Variants in TTC28 observed in about 807,000 individuals in gnomAD.
TTC28 encodes tetratricopeptide repeat domain 28.
In TTC28, 61 loss-of-function variants were observed where a neutral mutation model predicts 198.0. That is an observed-to-expected ratio of 0.31 (90% CI 0.25 to 0.38). The LOEUF (loss-of-function observed/expected upper bound fraction) is 0.38, where lower values mean the gene tolerates loss of function less well. Ranked by LOEUF, TTC28 falls within the 10% of genes least tolerant of loss-of-function variation. The pLI is 1.00. For synonymous variants in TTC28, 1,171 were observed against 1,297.8 expected (o/e 0.90, Z 2.10); for missense variants, 2,678 against 3,164.0 (o/e 0.85, Z 3.69).
At chr22:28,162,698 T>C (rs1366537495) in intron 6 of TTC28, among the ~76,000 whole-genome samples, 3 of 152,184 alleles carry the variant, frequency 2.0e-5, no homozygotes, top group South Asian at 2.1e-4. Context: ...GCCATAATTG[T>C]AGCACTTTGG....
chr22:28,111,528 A>ATT (rs201771228), intron 6 of TTC28, among the ~76,000 whole-genome samples: 1 of 149,304 alleles, frequency 6.7e-6, no homozygotes, highest in Admixed American at 6.7e-5. Context: ...CTCAGAGGAA[A>ATT]TTTTTTTTTT....
At chr22:28,115,420 C>T (rs75130608) in intron 6 of TTC28, among the ~76,000 whole-genome samples, 22 of 152,324 alleles carry the variant, frequency 1.4e-4, no homozygotes, top group Admixed American at 1.1e-3. Flanking sequence ...CCTCACCATA[C>T]ACACAAATAT....
chr22:28,641,722 C>G (rs1222204567), intron 1 of TTC28, among the ~76,000 whole-genome samples: 2 of 151,728 alleles, frequency 1.3e-5, no homozygotes, highest in Admixed American at 1.3e-4. Context: ...CAGGCCTACA[C>G]TAAAAGAAAT....
At chr22:28,302,778 G>C (rs745762726) in intron 3 of TTC28, among the ~76,000 whole-genome samples, 4 of 152,056 alleles carry the variant, frequency 2.6e-5, no homozygotes, top group Non-Finnish European at 5.9e-5. Context: ...GGGTTCAAGC[G>C]ATTCTCCTGC....
chr22:28,167,856 A>G (rs547858357), intron 5 of TTC28, among the ~76,000 whole-genome samples: 1 of 152,316 alleles, frequency 6.6e-6, no homozygotes, highest in East Asian at 1.9e-4. Flanking sequence ...AAGGGTATTC[A>G]ATTAGGAAAA....
chr22:28,497,345 T>C (rs1356325960), intron 2 of TTC28, among the ~76,000 whole-genome samples: 4 of 152,070 alleles, frequency 2.6e-5, no homozygotes, highest in African/African-American at 9.7e-5. Context: ...AGGGGGAAAA[T>C]ATGAGCAAGA....
chr22:28,629,988 A>T (rs1010327906), intron 1 of TTC28, among the ~76,000 whole-genome samples, 158 bp from the exon 2 acceptor site: 7 of 152,132 alleles, frequency 4.6e-5, no homozygotes, highest in African/African-American at 1.7e-4. Context: ...TCATAGGAGT[A>T]AATCCCTCAT....
intron 2 of TTC28, among the ~76,000 whole-genome samples, chr22:28,331,536 T>C (rs750786393): frequency 1.3e-5 from 2 of 152,262 alleles, no homozygotes; most frequent in South Asian, 2.1e-4. Flanking sequence ...TTTATCCATA[T>C]GTATATACAT....
chr22:28,232,802 A>T (rs533389220), intron 5 of TTC28: 1 of 152,098 alleles, frequency 6.6e-6, no homozygotes, highest in African/African-American at 2.4e-5. Flanking sequence ...AGTAATTTTA[A>T]ATTTTTTCCA....
intron 6 of TTC28, among the ~76,000 whole-genome samples, chr22:28,120,370 C>T (rs1187493303): frequency 6.6e-6 from 1 of 152,142 alleles, no homozygotes; most frequent in Non-Finnish European, 1.5e-5. Flanking sequence ...CTGGGACCTT[C>T]ATTATCTTAT....
At chr22:28,581,750 A>T (rs1195136224) in intron 2 of TTC28, among the ~76,000 whole-genome samples, 1 of 152,208 alleles carries the variant, frequency 6.6e-6, no homozygotes, top group Non-Finnish European at 1.5e-5. Flanking sequence ...CATCTCTACA[A>T]ACGAACAAAC....
intron 2 of TTC28, among the ~76,000 whole-genome samples, chr22:28,470,275 G>T (rs2048081218): frequency 6.6e-6 from 1 of 152,178 alleles, no homozygotes; most frequent in South Asian, 2.1e-4. Context: ...GGCTGGCTGG[G>T]TTCCTAACTA....
chr22:28,032,205 A>AATAT (rs1309086754), intron 12 of TTC28, among the ~76,000 whole-genome samples: 1 of 100,832 alleles, frequency 9.9e-6, no homozygotes, highest in Non-Finnish European at 2.1e-5. Context: ...ATATATATAA[A>AATAT]ATATATATAT....
chr22:28,108,572 T>A (rs145602377), intron 6 of TTC28, among the ~76,000 whole-genome samples, 169 bp from the exon 7 acceptor site: 6 of 152,122 alleles, frequency 3.9e-5, no homozygotes, highest in Non-Finnish European at 7.4e-5. Context: ...ACAGAGAGGA[T>A]AGCTTAAGTT....
At chr22:28,445,330 C>T (rs1315037273) in intron 2 of TTC28, among the ~76,000 whole-genome samples, 7 of 152,156 alleles carry the variant, frequency 4.6e-5, no homozygotes, top group Non-Finnish European at 7.3e-5. Context: ...AAGAAGACAA[C>T]CAGGCACTCA....
At chr22:28,513,359 G>A (rs1358891862) in intron 2 of TTC28, among the ~76,000 whole-genome samples, 6 of 152,066 alleles carry the variant, frequency 3.9e-5, no homozygotes, top group Non-Finnish European at 8.8e-5. Context: ...CTGCATCCTT[G>A]GTTAAAATTT....
At chr22:28,507,706 C>T (rs1405309169) in intron 2 of TTC28, among the ~76,000 whole-genome samples, 1 of 152,148 alleles carries the variant, frequency 6.6e-6, no homozygotes, top group African/African-American at 2.4e-5. Context: ...TAATAGCAGA[C>T]CTGTTAGTGT....
chr22:28,416,349 C>T (rs2047167730), intron 2 of TTC28, among the ~76,000 whole-genome samples: 2 of 152,220 alleles, frequency 1.3e-5, no homozygotes, highest in Admixed American at 6.5e-5. Flanking sequence ...ATCATACCCA[C>T]ACACAATTTC....
intron 5 of TTC28, among the ~76,000 whole-genome samples, chr22:28,219,247 G>A (rs889288659): frequency 3.3e-5 from 5 of 152,068 alleles, no homozygotes; most frequent in Non-Finnish European, 5.9e-5. Flanking sequence ...GGTGGCTCAC[G>A]CCTGTAATCC....
Sources: gnomAD v4.1 joint callset for allele counts (sites outside exome capture counted in the v4.1 genomes callset) on GRCh38, gnomAD v4.1.1 for gene constraint, MANE v1.5 for transcripts, NCBI Gene and HGNC (gene_info 2026-07-23, HGNC 2026-07-21) for gene names.